Variants in NEK10 observed in about 807,000 individuals in gnomAD.
NEK10 encodes the protein NIMA related kinase 10, also known as serine/threonine-protein kinase Nek10.
A neutral mutation model predicts 159.8 loss-of-function variants in NEK10; 122 were observed. That is an observed-to-expected ratio of 0.76 (90% CI 0.66 to 0.89). The LOEUF (loss-of-function observed/expected upper bound fraction) is 0.89. Ranked by LOEUF, NEK10 falls within the 40% of genes least tolerant of loss-of-function variation. The pLI is 0.00. For missense variants in NEK10, 1,342 were observed against 1,323.1 expected, an observed-to-expected ratio of 1.01 and a Z score of -0.22; for synonymous variants, 466 against 457.1, an observed-to-expected ratio of 1.02 and a Z score of -0.25.
At chr3:27,333,405 G>A (rs2046566407) in intron 5 of NEK10, among the ~76,000 whole-genome samples, 1 of 152,064 alleles carries the variant, frequency 6.6e-6, no homozygotes, top group Non-Finnish European at 1.5e-5. Flanking sequence ...AATTAGCCCA[G>A]TGTGGTGGCA....
intron 23 of NEK10, among the ~76,000 whole-genome samples, chr3:27,204,581 T>C (rs1308976591): frequency 1.6e-5 from 2 of 128,300 alleles, no homozygotes; most frequent in Non-Finnish European, 1.6e-5. Flanking sequence ...GTTCTTGCGA[T>C]AGTTTACTGA....
chr3:27,363,887 G>A (rs1336250146), intron 1 of NEK10: 1 of 152,088 alleles, frequency 6.6e-6, no homozygotes, highest in Non-Finnish European at 1.5e-5. Flanking sequence ...GAGGAGACTT[G>A]GTTTCCACTT....
At chr3:27,284,311 G>A (rs565176855) in intron 22 of NEK10, among the ~76,000 whole-genome samples, 18 of 152,234 alleles carry the variant, frequency 1.2e-4, no homozygotes, top group African/African-American at 4.1e-4. Context: ...CTTGAAACCC[G>A]GGAGGTGGAG....
intron 1 of NEK10, among the ~76,000 whole-genome samples, chr3:27,356,599 A>T (rs753435468): frequency 6.6e-6 from 1 of 152,202 alleles, no homozygotes; most frequent in Non-Finnish European, 1.5e-5. Context: ...GCCCATGAAC[A>T]TGCCAACTAT....
chr3:27,189,629 T>C (rs149663553), intron 26 of NEK10, among the ~76,000 whole-genome samples: 158 of 152,242 alleles, frequency 1.0e-3, no homozygotes, highest in African/African-American at 3.4e-3. Context: ...ATGGTGTAGA[T>C]GTAAGTTTTT....
chr3:27,314,545 C>T (rs1477992728), intron 6 of NEK10, among the ~76,000 whole-genome samples: 1 of 152,024 alleles, frequency 6.6e-6, no homozygotes, highest in Non-Finnish European at 1.5e-5. Flanking sequence ...GGGTTGAGAT[C>T]AAGAGAATAA....
chr3:27,214,717 C>A lies in NEK10; in HGVS notation c.2091-12160G>T. On this transcript the variant is annotated intron_variant, in intron 23 of 35. Coordinates refer to ENST00000691995, the MANE Select transcript of NEK10 (RefSeq NM_001394966.1). The stretch of plus-strand genomic sequence containing the variant: ...GTTACAGAAGAATGGCAGCTTACTT[C>A]ACGGCACTTCAGTATTCCTGAGGAA... The A allele has an allele frequency of 4.3e-6, 3 of 700,746 alleles. 1 individual carries two copies. Among genetic ancestry groups the A allele is most frequent in the South Asian group, 2.8e-5 (2 of 70,592 alleles). The allele number at this position is 700,746 out of a possible 1,614,324, so 43.4% of individuals were successfully genotyped here.
At chr3:27,214,378 A>C (rs527969383) in intron 23 of NEK10, among the ~76,000 whole-genome samples, 6 of 152,254 alleles carry the variant, frequency 3.9e-5, no homozygotes, top group African/African-American at 1.4e-4. Flanking sequence ...TTTTTCATCA[A>C]TAATTTCTAG....
chr3:27,260,318 C>G (rs2040287958), intron 22 of NEK10, among the ~76,000 whole-genome samples: 1 of 152,076 alleles, frequency 6.6e-6, no homozygotes, highest in African/African-American at 2.4e-5. Context: ...GGGAATGCTT[C>G]CAGTTTTTGC....
intron 22 of NEK10, among the ~76,000 whole-genome samples, chr3:27,273,516 A>G (rs1277757049): frequency 6.6e-6 from 1 of 152,220 alleles, no homozygotes; most frequent in Admixed American, 6.5e-5. Flanking sequence ...GAGAAAATGC[A>G]TATCTATCCT....
intron 22 of NEK10, among the ~76,000 whole-genome samples, chr3:27,275,524 G>A (rs190934619): frequency 7.2e-5 from 11 of 152,274 alleles, no homozygotes; most frequent in African/African-American, 2.4e-4. Flanking sequence ...TCTTTTAAGA[G>A]TACTCAAGTC....
intron 23 of NEK10, among the ~76,000 whole-genome samples, chr3:27,242,805 C>A (rs943789456): frequency 1.3e-5 from 2 of 152,128 alleles, no homozygotes; most frequent in Admixed American, 6.5e-5. Context: ...CTTCCTGGAA[C>A]CCTAGAGTAC....
chr3:27,167,009 C>T (rs951826954), intron 29 of NEK10, among the ~76,000 whole-genome samples: 1 of 152,040 alleles, frequency 6.6e-6, no homozygotes, highest in South Asian at 2.1e-4. Context: ...TACAATTATG[C>T]ATACACTGAT....
At chr3:27,215,880 A>G in intron 23 of NEK10, 1 of 709,650 alleles carries the variant, frequency 1.4e-6, no homozygotes, top group Non-Finnish European at 2.6e-6. Flanking sequence ...GGTGCTGCAC[A>G]CTTTAAACAA....
At chr3:27,365,813 A>G (rs993567624) in intron 1 of NEK10, among the ~76,000 whole-genome samples, 46 of 151,880 alleles carry the variant, frequency 3.0e-4, no homozygotes, top group African/African-American at 1.0e-3. Context: ...GGGTTTCACC[A>G]TGTTGGCCAG....
chr3:27,163,476 C>T (rs1374794189), intron 29 of NEK10, among the ~76,000 whole-genome samples: 2 of 151,972 alleles, frequency 1.3e-5, no homozygotes, highest in Non-Finnish European at 2.9e-5. Flanking sequence ...CTCAGCCTCC[C>T]GAGTAGCTGG....
chr3:27,211,973 C>A (rs1951045527), intron 23 of NEK10, among the ~76,000 whole-genome samples: 1 of 152,208 alleles, frequency 6.6e-6, no homozygotes, highest in East Asian at 1.9e-4. Flanking sequence ...AATTTCCTCA[C>A]ATCTGTAAGA....
At chr3:27,214,548 T>C (rs1951305214) in intron 23 of NEK10, among the ~76,000 whole-genome samples, 1 of 128,916 alleles carries the variant, frequency 7.8e-6, no homozygotes, top group Admixed American at 8.0e-5. Flanking sequence ...TTACTTTCTT[T>C]CTTTTTTTTG....
intron 20 of NEK10, among the ~76,000 whole-genome samples, chr3:27,285,958 T>C (rs2042560954): frequency 6.6e-6 from 1 of 152,120 alleles, no homozygotes; most frequent in African/African-American, 2.4e-5. Flanking sequence ...CAAGAAATAT[T>C]CATTTATGTA....
Sources: gnomAD v4.1 joint callset for allele counts (sites outside exome capture counted in the v4.1 genomes callset) on GRCh38, gnomAD v4.1.1 for gene constraint, MANE v1.5 for transcripts, NCBI Gene and HGNC (gene_info 2026-07-23, HGNC 2026-07-21) for gene names.